Variants in PCDHGA7 observed in about 807,000 individuals in gnomAD.
PCDHGA7 encodes the protein protocadherin gamma subfamily A, 7, also known as protocadherin gamma-A7.
A neutral mutation model predicts 58.3 loss-of-function variants in PCDHGA7; 44 were observed. The observed-to-expected ratio is 0.75, with a 90% CI of 0.59 to 0.97. The LOEUF (loss-of-function observed/expected upper bound fraction) is 0.97, where lower values mean the gene tolerates loss of function less well. PCDHGA7 is among the 50% of genes least tolerant of loss of function. The pLI is 0.00. For synonymous variants in PCDHGA7, 516 were observed against 504.2 expected, an observed-to-expected ratio of 1.02 and a Z score of -0.31; for missense variants, 1,266 against 1,188.7, an observed-to-expected ratio of 1.06 and a Z score of -0.96.
rs761202330 is a variant in PCDHGA7 at position 141,489,878 on chromosome 5, C to T, written c.2425-4929C>T. 1.1e-5 allele frequency: 17 copies of T among 1,614,116 alleles called. No individual in the cohort carries two copies. In the East Asian group the frequency reaches 3.6e-4, roughly 34 times the overall value. On this transcript the variant is annotated intron_variant, in intron 1 of 3. Transcript: ENST00000518325. This position sits in a 1 kb window ranked among gnomAD's most constrained non-coding sequence, Gnocchi z 4.5. ...CAGGCAAGACATCAGCTGGTGCTTA[C>T]TGCTGTGGATGGGGGGACCCCAGCC... is the stretch of plus-strand genomic sequence containing the variant.
chr5:141,478,826 G>A, intron 1 of PCDHGA7: 2 of 1,439,244 alleles, frequency 1.4e-6, no homozygotes, highest in Non-Finnish European at 1.8e-6. Context: ...AACCAATCTT[G>A]CTAAGGGATG....
chr5:141,432,235 T>C lies in PCDHGA7; in HGVS notation c.2424+46912T>C, dbSNP rs1240828849. 1 of 1,614,102 alleles carries C rather than the reference T, an allele frequency of 6.2e-7. No individual in the cohort carries two copies. The highest frequency in any genetic ancestry group is 8.5e-7 in the Non-Finnish European group (1 of 1,180,050). ...ACGCCCAGATCACTTATTCCCTGGC[T>C]GAGAACACCATCCAAGGGGCAAGCC... On this transcript the variant is annotated intron_variant, in intron 1 of 3. Transcript: ENST00000518325. The surrounding 1 kb of genome is among the most constrained non-coding windows in gnomAD (Gnocchi z 6.0).
rs2091100634 is a variant in PCDHGA7 at position 141,387,811 on chromosome 5, A to C, written c.2424+2488A>C. 4 of 1,528,618 alleles carry C rather than the reference A, an allele frequency of 2.6e-6. No individual in the cohort carries two copies. The South Asian group carries it at 5.1e-5, about 19-fold the overall frequency. 94.7% of individuals were successfully genotyped at this position (1,528,618 alleles called of 1,614,324 possible). ...CAACTAAAGTCCGTTCGGAGATCCA[A>C]AAATCTGCAATACAGAGGTTATTTG... On this transcript the variant is annotated intron_variant, in intron 1 of 3. Transcript: ENST00000518325.
At chr5:141,393,154 G>GA in intron 1 of PCDHGA7, 1 of 1,613,294 alleles carries the variant, frequency 6.2e-7, no homozygotes, top group Non-Finnish European at 8.5e-7. Flanking sequence ...GAGGATAAAG[G>GA]AAAACTCTTT....
At position 141,489,369 on chromosome 5, in the gene PCDHGA7, G is replaced by T; in HGVS notation, c.2425-5438G>T. ...TGGTGGAGGAGTCTGAGCCGGGGAC[G>T]CTGGTGGGGAATGTTGCTCAGGATC... On this transcript the variant is annotated intron_variant, in intron 1 of 3. Coordinates refer to ENST00000518325, the MANE Select transcript of PCDHGA7 (RefSeq NM_018920.4). This position sits in a 1 kb window ranked among gnomAD's most constrained non-coding sequence, Gnocchi z 4.5. 6.2e-7 allele frequency: 1 copy of T among 1,613,592 alleles called. No homozygotes were observed.
chr5:141,427,895 G>T (rs539406412), intron 1 of PCDHGA7: 3 of 1,569,228 alleles, frequency 1.9e-6, no homozygotes, highest in South Asian at 2.2e-5. Context: ...ACCAGGGCTC[G>T]CCCGCGCTCA....
Position 141,383,125 on chromosome 5 carries a change from G to T in PCDHGA7, c.226G>T (p.Ala76Ser). The change falls in exon 1 of 4, where the codon GCC (alanine) becomes TCC (serine). Residue 76 changes from alanine (A) to serine (S), a missense_variant. Physicochemically the swap from Ala to Ser is moderately conservative, Grantham distance 99. Coordinates refer to ENST00000518325, the MANE Select transcript of PCDHGA7 (RefSeq NM_018920.4). ...IISRGRTQLF[A>S]LNQRSGSLVT... Reference sequence around the variant, plus strand: ...CTCCAGAGGTAGGACGCAGCTTTTCGCCCTGAACCAGCGCAGCGGCAGCTT... The same window carrying T: ...CTCCAGAGGTAGGACGCAGCTTTTCTCCCTGAACCAGCGCAGCGGCAGCTT... 6.2e-7 allele frequency: 1 copy of T among 1,614,062 alleles called. No homozygotes were observed.
intron 1 of PCDHGA7, among the ~76,000 whole-genome samples, chr5:141,475,035 G>T (rs983190948): frequency 2.0e-5 from 3 of 152,132 alleles, no homozygotes. Context: ...GTGACTAAAG[G>T]CTTTGTATTT....
intron 1 of PCDHGA7, among the ~76,000 whole-genome samples, chr5:141,397,282 T>A (rs2150702726): frequency 6.6e-6 from 1 of 152,350 alleles, no homozygotes; most frequent in South Asian, 2.1e-4. Context: ...ATGGGCAGTA[T>A]ACTTGAATGA....
chr5:141,390,513 A>G lies in PCDHGA7; in HGVS notation c.2424+5190A>G. ...TTTTTAGCCAAGCTTAGATTTATAA[A>G]GCAATGAGGGTGTGGTTTTAACCAC... is the stretch of plus-strand genomic sequence containing the variant. On this transcript the variant is annotated intron_variant, in intron 1 of 3. Coordinates refer to ENST00000518325, the MANE Select transcript of PCDHGA7 (RefSeq NM_018920.4). The G allele has an allele frequency of 1.0e-5, 6 of 581,214 alleles. No homozygotes were observed. The South Asian group carries it at 1.1e-4, about 10-fold the overall frequency. The allele number at this position is 581,214 out of a possible 1,614,324, so 36.0% of individuals were successfully genotyped here.
chr5:141,423,082 G>A (rs1390567548), intron 1 of PCDHGA7: 3 of 1,614,078 alleles, frequency 1.9e-6, no homozygotes, highest in Admixed American at 1.7e-5. Flanking sequence ...GGGACTCTTC[G>A]CGGTGGGGGA....
At chr5:141,414,046 A>G (rs780040293) in intron 1 of PCDHGA7, 1 of 1,611,254 alleles carries the variant, frequency 6.2e-7, no homozygotes, top group Non-Finnish European at 8.5e-7. Context: ...ATTACCTGAC[A>G]CGCAATTGTT....
chr5:141,477,220 G>A lies in PCDHGA7; in HGVS notation c.2425-17587G>A. 24 of 1,614,190 alleles carry A rather than the reference G, an allele frequency of 1.5e-5. No individual in the cohort carries two copies. The highest frequency in any genetic ancestry group is 1.9e-5 in the Non-Finnish European group (23 of 1,180,040). ...CAGTACCCGAGGATGCCCCTCTGGG[G>A]ACTGTCATCGCTTTGCTCAGTGTGA... is the stretch of plus-strand genomic sequence containing the variant. On this transcript the variant is annotated intron_variant, in intron 1 of 3. Coordinates refer to ENST00000518325, the MANE Select transcript of PCDHGA7 (RefSeq NM_018920.4). The surrounding 1 kb of genome is among the most constrained non-coding windows in gnomAD (Gnocchi z 4.9).
intron 1 of PCDHGA7, among the ~76,000 whole-genome samples, chr5:141,474,263 A>C (rs964712807): frequency 6.6e-6 from 1 of 152,188 alleles, no homozygotes; most frequent in Non-Finnish European, 1.5e-5. Context: ...CTGATAAACC[A>C]GTGTATCTCT....
intron 1 of PCDHGA7, chr5:141,403,095 T>A (rs754367041): frequency 6.2e-7 from 1 of 1,614,026 alleles, no homozygotes; most frequent in East Asian, 2.2e-5. Flanking sequence ...GTGGGCAACA[T>A]CTCCAAGGAC....
chr5:141,487,848 G>C lies in PCDHGA7; in HGVS notation c.2425-6959G>C. ...TCATGCCTATATCTGAGTAAGAAAT[G>C]AAAGTAATTGGTGATCAAGAGCCAG... is the stretch of plus-strand genomic sequence containing the variant. On this transcript the variant is annotated intron_variant, in intron 1 of 3. Coordinates refer to ENST00000518325, the MANE Select transcript of PCDHGA7 (RefSeq NM_018920.4). The surrounding 1 kb of genome is among the most constrained non-coding windows in gnomAD (Gnocchi z 5.0). 1 of 1,022,244 alleles carries C rather than the reference G, an allele frequency of 9.8e-7. No homozygotes were observed. The highest frequency in any genetic ancestry group is 1.4e-6 in the Non-Finnish European group (1 of 711,992). The allele number at this position is 1,022,244 out of a possible 1,614,324, so 63.3% of individuals were successfully genotyped here. A position where few individuals can be genotyped will look rare whatever the true frequency, so the allele number is the denominator to read the frequency against.
At chr5:141,387,156 A>C (rs1173690148) in intron 1 of PCDHGA7, among the ~76,000 whole-genome samples, 1 of 152,232 alleles carries the variant, frequency 6.6e-6, no homozygotes, top group Non-Finnish European at 1.5e-5. Flanking sequence ...GTGTATTTGA[A>C]GATAAGTATA....
At chr5:141,484,054 G>A (rs1192214731) in intron 1 of PCDHGA7, among the ~76,000 whole-genome samples, 4 of 152,044 alleles carry the variant, frequency 2.6e-5, no homozygotes, top group African/African-American at 9.7e-5. Flanking sequence ...AGGTCCCCTG[G>A]GGCTAAGTGA....
At chr5:141,422,684 C>T (rs2096664410) in intron 1 of PCDHGA7, 1 of 1,604,876 alleles carries the variant, frequency 6.2e-7, no homozygotes, top group Admixed American at 1.7e-5. Flanking sequence ...AAACAGAATG[C>T]CCTGGTCACT....
Sources: allele counts gnomAD v4.1 joint callset (sites outside exome capture counted in the v4.1 genomes callset), GRCh38; gene constraint gnomAD v4.1.1; non-coding constraint Gnocchi (gnomAD v3.1); transcripts MANE v1.5; gene names NCBI Gene and HGNC (gene_info 2026-07-23, HGNC 2026-07-21).